SLC9B1: variants seen among roughly 807,000 people sequenced by gnomAD.
SLC9B1 encodes sodium/hydrogen exchanger 9B1.
A neutral mutation model predicts 51.7 loss-of-function variants in SLC9B1; 32 were observed. The ratio of observed to expected loss-of-function variants is 0.62; its 90% CI spans 0.47 to 0.83. The LOEUF is 0.83. Among genes scored for constraint, SLC9B1 ranks in the 40% least tolerant of loss-of-function variants. The pLI, the probability that SLC9B1 is intolerant of heterozygous loss-of-function variation, is 0.00. For missense variants in SLC9B1, 406 were observed against 613.2 expected, an observed-to-expected ratio of 0.66 and a Z score of 3.57; for synonymous variants, 145 against 212.7, an observed-to-expected ratio of 0.68 and a Z score of 2.77.
chr4:102,979,954 T>G (rs535791166), intron 3 of SLC9B1, among the ~76,000 whole-genome samples: 64 of 152,064 alleles, frequency 4.2e-4, no homozygotes, highest in Non-Finnish European at 9.0e-4. Context: ...CAGACACTTC[T>G]CGAAAGAAGA....
intron 1 of SLC9B1, among the ~76,000 whole-genome samples, chr4:103,000,034 A>T (rs1362439533): frequency 6.6e-6 from 1 of 152,142 alleles, no homozygotes; most frequent in Non-Finnish European, 1.5e-5. Context: ...ATGCTTATAA[A>T]ACCATCAGAT....
intron 3 of SLC9B1, among the ~76,000 whole-genome samples, chr4:102,960,558 T>C (rs1183152963): frequency 6.6e-6 from 1 of 152,204 alleles, no homozygotes. Flanking sequence ...TTGTTATTTT[T>C]AGCTCATATG....
At chr4:102,952,765 C>G (rs545792944) in intron 3 of SLC9B1, among the ~76,000 whole-genome samples, 1 of 69,096 alleles carries the variant, frequency 1.4e-5, no homozygotes, top group Non-Finnish European at 2.8e-5. Flanking sequence ...GCATAAATGT[C>G]TTCTTTTGAG....
At chr4:102,993,170 T>G (rs1740036894) in intron 1 of SLC9B1, among the ~76,000 whole-genome samples, 1 of 152,062 alleles carries the variant, frequency 6.6e-6, no homozygotes, top group Admixed American at 6.6e-5. Flanking sequence ...CTTAACTAAT[T>G]CCAGCATTAT....
chr4:102,949,423 A>AT lies in SLC9B1; in HGVS notation c.215_216insA (p.Ile73TyrfsTer16), dbSNP rs1737432663. The AT allele has an allele frequency of 6.3e-7, 1 of 1,574,908 alleles. No individual in the cohort carries two copies. The highest frequency in any genetic ancestry group is 2.3e-4 in the Middle Eastern group (1 of 4,272). ...TCATACACCATATCACAAACAGTAT[A>AT]ACTCCTGAAATACAAAAAAGTGTAC... On this transcript the variant is annotated frameshift_variant, in exon 4 of 12. Transcript: ENST00000296422.
chr4:103,000,899 C>T (rs1740488104), intron 1 of SLC9B1, among the ~76,000 whole-genome samples: 1 of 152,248 alleles, frequency 6.6e-6, no homozygotes, highest in African/African-American at 2.4e-5. Context: ...ATTGGGGACC[C>T]TCTGTGAGGG....
intron 3 of SLC9B1, among the ~76,000 whole-genome samples, chr4:102,959,333 T>C (rs1737969714): frequency 6.6e-6 from 1 of 152,162 alleles, no homozygotes; most frequent in Non-Finnish European, 1.5e-5. Flanking sequence ...TTTTAACCTG[T>C]AAGTCAGTTT....
rs576815514 is a variant in SLC9B1, at chr4:102,958,358, C to T, written c.212-8931G>A. Among the ~76,000 whole-genome samples, 9 of 152,284 alleles carry T rather than the reference C, an allele frequency of 5.9e-5. 1 individual carries two copies. In the South Asian group the frequency reaches 1.9e-3, roughly 32 times the overall value. ...ATGATTGTAAGCTTCCTGAAGCCTT[C>T]CCAGAAGCAGATGCCTGCATGCTTC... On this transcript the variant is annotated intron_variant, in intron 3 of 11. Transcript: ENST00000296422.
intron 6 of SLC9B1, among the ~76,000 whole-genome samples, chr4:102,937,412 TA>T (rs754801733): frequency 0.045 from 2,015 of 45,254 alleles, 51 homozygotes; most frequent in Non-Finnish European, 0.049. Flanking sequence ...TCAGCATTCT[TA>T]AAAAAAAAAA....
chr4:103,017,496 T>C (rs1029419627), intron 1 of SLC9B1, among the ~76,000 whole-genome samples: 3 of 152,182 alleles, frequency 2.0e-5, no homozygotes. Flanking sequence ...GCTCATCCTG[T>C]ACCACTTTCT....
intron 7 of SLC9B1, among the ~76,000 whole-genome samples, chr4:102,916,536 A>T (rs1219460831): frequency 6.6e-6 from 1 of 152,234 alleles, no homozygotes; most frequent in Non-Finnish European, 1.5e-5. Context: ...ACCAGACAGA[A>T]GATCAACTGG....
chr4:102,945,962 G>A (rs1163103605), intron 5 of SLC9B1, among the ~76,000 whole-genome samples: 2 of 151,774 alleles, frequency 1.3e-5, no homozygotes, highest in Non-Finnish European at 1.5e-5. Context: ...TAAAAGATTG[G>A]ATTTTACAAT....
chr4:102,978,291 C>T (rs1185106019), intron 3 of SLC9B1, among the ~76,000 whole-genome samples: 1 of 152,110 alleles, frequency 6.6e-6, no homozygotes, highest in Non-Finnish European at 1.5e-5. Flanking sequence ...GTCTTTATAG[C>T]AGCATGATTT....
intron 6 of SLC9B1, among the ~76,000 whole-genome samples, chr4:102,943,728 T>C (rs750916191): frequency 6.6e-6 from 1 of 152,128 alleles, no homozygotes; most frequent in Non-Finnish European, 1.5e-5. Flanking sequence ...TACAATGGGC[T>C]TTGGGGACTT....
At chr4:102,969,486 C>T (rs1205278376) in intron 3 of SLC9B1, among the ~76,000 whole-genome samples, 1 of 152,138 alleles carries the variant, frequency 6.6e-6, no homozygotes, top group Non-Finnish European at 1.5e-5. Context: ...CTGTAGGTCA[C>T]CATCATCAAA....
At chr4:102,941,955 A>C (rs1182041189) in intron 6 of SLC9B1, among the ~76,000 whole-genome samples, 1 of 152,182 alleles carries the variant, frequency 6.6e-6, no homozygotes, top group African/African-American at 2.4e-5. Flanking sequence ...TGAATTCAGT[A>C]ACGTTTCAGG....
At chr4:103,018,289 G>A (rs1191960839) in intron 1 of SLC9B1, among the ~76,000 whole-genome samples, 1 of 152,140 alleles carries the variant, frequency 6.6e-6, no homozygotes, top group Non-Finnish European at 1.5e-5. Flanking sequence ...CTGAAAAACA[G>A]CAGTATAAAT....
At chr4:102,905,236 T>TATTTATTTATTTATTTA (rs57674183) in intron 11 of SLC9B1, among the ~76,000 whole-genome samples, 5 of 151,714 alleles carry the variant, frequency 3.3e-5, no homozygotes, top group Admixed American at 6.6e-5. Context: ...TTTATTTATT[T>TATTTATTTATTTATTTA]TTTTGAGATG....
chr4:102,978,683 T>A (rs946313478), intron 3 of SLC9B1, among the ~76,000 whole-genome samples: 5 of 152,140 alleles, frequency 3.3e-5, no homozygotes, highest in Non-Finnish European at 5.9e-5. Flanking sequence ...GGAGAGGATG[T>A]GGAGAAATAG....
Sources: gnomAD v4.1 joint callset for allele counts (sites outside exome capture counted in the v4.1 genomes callset) on GRCh38, gnomAD v4.1.1 for gene constraint, MANE v1.5 for transcripts, NCBI Gene and HGNC (gene_info 2026-07-23, HGNC 2026-07-21) for gene names.